Variants in GRM8 observed in about 807,000 individuals in gnomAD.
GRM8 encodes the protein glutamate metabotropic receptor 8.
A neutral mutation model predicts 87.2 loss-of-function variants in GRM8; 47 were observed. That is an observed-to-expected ratio of 0.54 (90% CI 0.43 to 0.69). The LOEUF (loss-of-function observed/expected upper bound fraction) is 0.69, where lower values mean the gene tolerates loss of function less well. GRM8 is among the 30% of genes least tolerant of loss of function. The pLI is 0.00. For missense variants in GRM8, 1,019 were observed against 1,139.2 expected (o/e 0.89, Z 1.52); for synonymous variants, 396 against 404.5 (o/e 0.98, Z 0.25).
intron 1 of GRM8, among the ~76,000 whole-genome samples, chr7:127,246,158 C>T (rs1798574439): frequency 6.6e-6 from 1 of 152,064 alleles, no homozygotes; most frequent in Non-Finnish European, 1.5e-5. Flanking sequence ...TTTAAAAAAC[C>T]TAAGGAAAAA....
chr7:126,441,402 C>G (rs1460616185), intron 10 of GRM8, among the ~76,000 whole-genome samples: 3 of 152,052 alleles, frequency 2.0e-5, no homozygotes, highest in African/African-American at 7.2e-5. Flanking sequence ...AATTTATACT[C>G]ATGCCTAAGC....
chr7:126,643,618 C>T (rs559612317), intron 7 of GRM8, among the ~76,000 whole-genome samples: 11 of 151,928 alleles, frequency 7.2e-5, no homozygotes, highest in South Asian at 2.1e-4. Context: ...TTAAAAACTA[C>T]GAGAAGTTCC....
intron 8 of GRM8, among the ~76,000 whole-genome samples, chr7:126,595,721 T>C (rs1217329819): frequency 1.3e-5 from 2 of 152,166 alleles, no homozygotes; most frequent in African/African-American, 4.8e-5. Context: ...TTCCATGATG[T>C]ATACGTACCA....
rs6980438 is a variant in GRM8 at position 126,534,373 on chromosome 7, C to T, written c.1495-486G>A. On this transcript the variant is annotated intron_variant, in intron 8 of 10. Coordinates refer to ENST00000339582, the MANE Select transcript of GRM8 (RefSeq NM_000845.3). The stretch of plus-strand genomic sequence containing the variant: ...CTGCATCAATTTTGAAAGGAAATGG[C>T]AAAATGAGTTAATCTCTGACTTTCC... Among the ~76,000 whole-genome samples the T allele has an allele frequency of 1.3e-3, 201 of 152,002 alleles. 3 individuals are homozygous for T. The East Asian group carries it at 0.02, about 15-fold the overall frequency.
chr7:126,669,773 T>A (rs866710734), intron 7 of GRM8, among the ~76,000 whole-genome samples: 3 of 152,222 alleles, frequency 2.0e-5, no homozygotes, highest in East Asian at 1.9e-4. Context: ...TAGATTTACA[T>A]GCAAGGGGTA....
At chr7:126,585,245 C>G (rs113244315) in intron 8 of GRM8, among the ~76,000 whole-genome samples, 3,704 of 152,138 alleles carry the variant, frequency 0.024, 143 homozygotes, top group African/African-American at 0.085. Flanking sequence ...TAGCAAATTC[C>G]TAATTCTATG....
chr7:127,007,056 T>G (rs556760891), intron 3 of GRM8, among the ~76,000 whole-genome samples: 1 of 152,112 alleles, frequency 6.6e-6, no homozygotes, highest in South Asian at 2.1e-4. Flanking sequence ...GAACCCATCT[T>G]TCCCTAAAAT....
At chr7:126,616,110 A>G (rs1402897155) in intron 7 of GRM8, among the ~76,000 whole-genome samples, 1 of 152,216 alleles carries the variant, frequency 6.6e-6, no homozygotes, top group Admixed American at 6.5e-5. Flanking sequence ...TCCAAAATTG[A>G]CCACATACTT....
At chr7:127,123,739 G>C (rs944815535) in intron 2 of GRM8, among the ~76,000 whole-genome samples, 1 of 152,074 alleles carries the variant, frequency 6.6e-6, no homozygotes, top group African/African-American at 2.4e-5. Flanking sequence ...AAATTCCTCA[G>C]ATCTGTTTCA....
At chr7:126,648,424 A>C (rs748972374) in intron 7 of GRM8, among the ~76,000 whole-genome samples, 11 of 152,216 alleles carry the variant, frequency 7.2e-5, no homozygotes, top group Admixed American at 3.3e-4. Context: ...AGTGCCAGGT[A>C]CACAGAGTTG....
At chr7:127,124,804 G>A (rs935539611) in intron 2 of GRM8, among the ~76,000 whole-genome samples, 4 of 151,832 alleles carry the variant, frequency 2.6e-5, no homozygotes, top group African/African-American at 9.7e-5. Context: ...CAAAATATTG[G>A]GAAATCAACC....
chr7:127,008,767 G>T (rs1814578046), intron 3 of GRM8, among the ~76,000 whole-genome samples: 1 of 151,948 alleles, frequency 6.6e-6, no homozygotes, highest in Admixed American at 6.6e-5. Flanking sequence ...TCAATCATTG[G>T]TCATGACAGT....
rs528322301 is a variant in GRM8 at position 126,774,789 on chromosome 7, G to A, written c.1157-4724C>T. Among the ~76,000 whole-genome samples the A allele has an allele frequency of 1.3e-3, 196 of 152,236 alleles. 1 individual carries two copies. The highest frequency in any genetic ancestry group is 2.2e-3 in the Non-Finnish European group (150 of 67,994). On this transcript the variant is annotated intron_variant, in intron 6 of 10. Coordinates refer to ENST00000339582, the MANE Select transcript of GRM8 (RefSeq NM_000845.3). Reference sequence around the variant, plus strand: ...ATGTTACAATGTAAGTTCCTAAGGTGAGCCTAAGAGAAATTTCAGACTTTG... The same window carrying A: ...ATGTTACAATGTAAGTTCCTAAGGTAAGCCTAAGAGAAATTTCAGACTTTG...
chr7:126,960,106 G>A (rs1265777194), intron 3 of GRM8, among the ~76,000 whole-genome samples: 4 of 152,066 alleles, frequency 2.6e-5, no homozygotes, highest in Non-Finnish European at 5.9e-5. Context: ...CAGAAACCCA[G>A]GTAAATCAAT....
chr7:127,027,590 T>C lies in GRM8; in HGVS notation c.727+78906A>G, dbSNP rs531383913. Among the ~76,000 whole-genome samples the C allele has an allele frequency of 3.2e-3, 490 of 152,316 alleles. 2 individuals are homozygous for C. The highest frequency in any genetic ancestry group is 5.7e-3 in the Non-Finnish European group (385 of 68,022). ...TGATTCCTAGGTATTTTATTCTCTT[T>C]GAAGCAATTGTGAATGGGAGTTCAC... On this transcript the variant is annotated intron_variant, in intron 3 of 10. Transcript: ENST00000339582.
intron 8 of GRM8, among the ~76,000 whole-genome samples, chr7:126,548,667 A>G (rs979935655): frequency 1.3e-5 from 2 of 152,196 alleles, no homozygotes; most frequent in Non-Finnish European, 2.9e-5. Flanking sequence ...ATAATTCCTC[A>G]TTTCCTATGG....
In GRM8 at chr7:126,573,503, C is replaced by T. The variant is rs1794858927; in HGVS notation, c.1494+35859G>A. On this transcript the variant is annotated intron_variant, in intron 8 of 10. Coordinates refer to ENST00000339582, the MANE Select transcript of GRM8 (RefSeq NM_000845.3). ...GAAAAATCAGAATCTCAAAAATATA[C>T]AAAGCAAGCTTTGGGGAGGGAAGAG... Among the ~76,000 whole-genome samples the T allele has an allele frequency of 3.3e-5, 5 of 151,816 alleles. No individual in the cohort carries two copies. The South Asian group carries it at 1.0e-3, about 32-fold the overall frequency.
At chr7:127,029,352 C>T (rs1484020116) in intron 3 of GRM8, among the ~76,000 whole-genome samples, 3 of 152,146 alleles carry the variant, frequency 2.0e-5, no homozygotes, top group Non-Finnish European at 2.9e-5. Flanking sequence ...ATTAGGTCTG[C>T]TTGGCGCAGA....
At chr7:127,011,704 T>C (rs1373903153) in intron 3 of GRM8, among the ~76,000 whole-genome samples, 1 of 152,192 alleles carries the variant, frequency 6.6e-6, no homozygotes, top group Admixed American at 6.5e-5. Flanking sequence ...TTATACCATA[T>C]GTACTCACAT....
Sources: allele counts gnomAD v4.1 joint callset (sites outside exome capture counted in the v4.1 genomes callset), GRCh38; gene constraint gnomAD v4.1.1; transcripts MANE v1.5; gene names NCBI Gene and HGNC (gene_info 2026-07-23, HGNC 2026-07-21).